PRXL2A: variants seen among roughly 807,000 people sequenced by gnomAD.
PRXL2A encodes the protein peroxiredoxin like 2A.
A neutral mutation model predicts 25.6 loss-of-function variants in PRXL2A; 26 were observed. The observed-to-expected ratio is 1.02, with a 90% CI of 0.74 to 1.41. The LOEUF (loss-of-function observed/expected upper bound fraction) is 1.41. Ranked by LOEUF, PRXL2A falls within the 40% of genes most tolerant of loss-of-function variation. PRXL2A has a pLI of 0.00. For synonymous variants in PRXL2A, 98 were observed against 102.9 expected (o/e 0.95, Z 0.29); for missense variants, 246 against 273.9 (o/e 0.90, Z 0.72).
chr10:80,423,422 G>A (rs1301298735), intron 3 of PRXL2A, among the ~76,000 whole-genome samples: 2 of 152,190 alleles, frequency 1.3e-5, no homozygotes, highest in African/African-American at 4.8e-5. Flanking sequence ...CAGTATTCCT[G>A]CTCTTGAGAC....
chr10:80,429,338 G>A (rs1845152735), intron 5 of PRXL2A, among the ~76,000 whole-genome samples: 1 of 152,136 alleles, frequency 6.6e-6, no homozygotes, highest in African/African-American at 2.4e-5. Flanking sequence ...CTTGTTCTAC[G>A]TGCTCAAGTA....
chr10:80,409,182 T>C (rs764159970), intron 1 of PRXL2A: 5 of 558,086 alleles, frequency 9.0e-6, no homozygotes, highest in African/African-American at 2.0e-5. Context: ...TTCCCCCTCT[T>C]TCCCAAGAGT....
At chr10:80,413,997 C>T (rs542518322) in intron 1 of PRXL2A, 139 of 435,308 alleles carry the variant, frequency 3.2e-4, no homozygotes, top group African/African-American at 2.6e-3. Flanking sequence ...GAATTTGGGG[C>T]GGTGGGGGCA....
chr10:80,421,981 TTC>T (rs1235850790), intron 2 of PRXL2A, among the ~76,000 whole-genome samples: 2 of 152,366 alleles, frequency 1.3e-5, no homozygotes, highest in East Asian at 3.8e-4. Context: ...CCTAGGCATC[TTC>T]TATCCTCTCC....
chr10:80,416,845 T>G (rs951008813), intron 1 of PRXL2A, among the ~76,000 whole-genome samples: 8 of 152,116 alleles, frequency 5.3e-5, no homozygotes, highest in African/African-American at 1.9e-4. Flanking sequence ...GTTGAGATTC[T>G]TCGTTTCTAG....
intron 1 of PRXL2A, among the ~76,000 whole-genome samples, chr10:80,409,291 T>C (rs1295797959): frequency 6.6e-6 from 1 of 152,192 alleles, no homozygotes; most frequent in African/African-American, 2.4e-5. Flanking sequence ...CCCCCAGGGT[T>C]GTTGCTGGAG....
In PRXL2A at chr10:80,427,437, A is replaced by T. The variant is rs1235694132; in HGVS notation, c.517A>T (p.Asn173Tyr). 1.2e-6 allele frequency: 2 copies of T among 1,614,128 alleles called. No individual in the cohort carries two copies. Among genetic ancestry groups the T allele is most frequent in the Non-Finnish European group, 1.7e-6 (2 of 1,180,016 alleles). Residue 173 changes from asparagine (N) to tyrosine (Y), a missense_variant, in exon 5 of 6, where the codon AAC becomes TAC. Coordinates refer to ENST00000606162, the MANE Select transcript of PRXL2A (RefSeq NM_032333.5). ...AGCCTGGAACGGAGGCTTCTCTGGA[A>T]ACCTGGAAGGAGAAGGCTTCATCCT... ...FRAWNGGFSG[N>Y]LEGEGFILGG...
At chr10:80,412,720 A>G (rs1374690725) in intron 1 of PRXL2A, among the ~76,000 whole-genome samples, 3 of 152,150 alleles carry the variant, frequency 2.0e-5, no homozygotes, top group Non-Finnish European at 4.4e-5. Flanking sequence ...GTAGGCATTT[A>G]CGTGGTTGGC....
chr10:80,410,318 C>T (rs1844435367), intron 1 of PRXL2A, among the ~76,000 whole-genome samples: 1 of 152,366 alleles, frequency 6.6e-6, no homozygotes, highest in African/African-American at 2.4e-5. Flanking sequence ...TGGGCAGTGT[C>T]CTTTGCCTTC....
At chr10:80,414,820 C>T (rs540765523) in intron 1 of PRXL2A, among the ~76,000 whole-genome samples, 49 of 152,310 alleles carry the variant, frequency 3.2e-4, no homozygotes, top group Admixed American at 1.2e-3. Context: ...GCTTCTAAGA[C>T]GACTGGCTGC....
upstream of PRXL2A, chr10:80,407,903 C>G (rs1844328010): frequency 6.6e-6 from 1 of 152,360 alleles, no homozygotes. Flanking sequence ...TGAGCCAGCG[C>G]GCCGGACACA....
Position 80,425,988 on chromosome 10 carries a change from A to T in PRXL2A, c.393A>T (p.Glu131Asp), listed in dbSNP as rs141373617. The change falls in exon 4 of 6, where the codon GAA (glutamate) becomes GAT (aspartate). Residue 131 changes from glutamate (E) to aspartate (D), a missense_variant. Glu to Asp is a conservative substitution (Grantham distance 45). Transcript: ENST00000606162. ...ATTTCCAGCCTTATTTCAAAGGAGA[A>T]ATCTTCCTGGATGAAAAGGTGTGTG... ...VKDFQPYFKG[E>D]IFLDEKKKFY... 1 of 1,614,224 alleles carries T rather than the reference A, an allele frequency of 6.2e-7. No homozygotes were observed. Among genetic ancestry groups the T allele is most frequent in the Admixed American group, 1.7e-5 (1 of 60,030 alleles).
intron 1 of PRXL2A, among the ~76,000 whole-genome samples, chr10:80,412,876 G>A (rs1441196090): frequency 6.6e-6 from 1 of 152,130 alleles, no homozygotes; most frequent in African/African-American, 2.4e-5. Context: ...GTAATCAGGT[G>A]GGGGTGTGCT....
chr10:80,423,451 G>A (rs1036316872), intron 3 of PRXL2A, among the ~76,000 whole-genome samples: 2 of 152,212 alleles, frequency 1.3e-5, no homozygotes, highest in African/African-American at 4.8e-5. Context: ...ATCTCAAGCA[G>A]TGGCTGTGGC....
At chr10:80,423,814 C>T (rs893527873) in intron 3 of PRXL2A, among the ~76,000 whole-genome samples, 2 of 152,226 alleles carry the variant, frequency 1.3e-5, no homozygotes, top group Non-Finnish European at 2.9e-5. Flanking sequence ...TGGCTTTAAC[C>T]AGCACAGATT....
intron 3 of PRXL2A, among the ~76,000 whole-genome samples, chr10:80,424,189 C>T (rs1318735569): frequency 1.3e-5 from 2 of 152,016 alleles, no homozygotes; most frequent in East Asian, 3.9e-4. Flanking sequence ...TTGAGTGGCC[C>T]AACTAGGAGG....
chr10:80,425,808 A>T, intron 3 of PRXL2A, 58 bp from the exon 4 acceptor site: 2 of 1,607,666 alleles, frequency 1.2e-6, no homozygotes, highest in Non-Finnish European at 1.7e-6. Flanking sequence ...CTGACACCCT[A>T]TGTGGAGGCC....
chr10:80,420,623 A>C lies in PRXL2A; in HGVS notation c.156A>C (p.Ile52=). ...CGGCCCTGGAGTACCTGGAGGATAT[A>C]GACCTGAAAACACTGGAGAAGGGTA... ...QKAALEYLED[I]DLKTLEKEPR... Residue 52 remains isoleucine (I), a synonymous_variant, in exon 2 of 6, where the codon ATA becomes ATC. Coordinates refer to ENST00000606162, the MANE Select transcript of PRXL2A (RefSeq NM_032333.5). The C allele has an allele frequency of 6.2e-7, 1 of 1,611,034 alleles. No homozygotes were observed. The highest frequency in any genetic ancestry group is 8.5e-7 in the Non-Finnish European group (1 of 1,178,100).
chr10:80,431,925 G>C, intron 5 of PRXL2A, 61 bp from the exon 6 acceptor site: 3 of 1,196,104 alleles, frequency 2.5e-6, no homozygotes, highest in Non-Finnish European at 3.7e-6. Context: ...GGTCCTCGAT[G>C]CCTGTCTCAT....
Sources: gnomAD v4.1 joint callset for allele counts (sites outside exome capture counted in the v4.1 genomes callset) on GRCh38, gnomAD v4.1.1 for gene constraint, MANE v1.5 for transcripts, NCBI Gene and HGNC (gene_info 2026-07-23, HGNC 2026-07-21) for gene names.